The following FOXP4 variants were observed in gnomAD, a reference collection of about 807,000 sequenced individuals.
FOXP4 encodes forkhead box protein P4.
In FOXP4, 25 loss-of-function variants were observed where a neutral mutation model predicts 82.6. The ratio of observed to expected loss-of-function variants is 0.30; its 90% CI spans 0.22 to 0.42. The LOEUF is 0.42. Ranked by LOEUF, FOXP4 falls within the 10% of genes least tolerant of loss-of-function variation. The pLI, the probability that FOXP4 is intolerant of heterozygous loss-of-function variation, is 1.00. For missense variants in FOXP4, 785 were observed against 900.9 expected, an observed-to-expected ratio of 0.87 and a Z score of 1.65; for synonymous variants, 415 against 388.2, an observed-to-expected ratio of 1.07 and a Z score of -0.81.
At chr6:41,597,735 C>T in intron 15 of FOXP4, 46 bp from the exon 16 acceptor site, 1 of 1,584,434 alleles carries the variant, frequency 6.3e-7, no homozygotes, top group Non-Finnish European at 8.5e-7. Flanking sequence ...TGAGTGTGCC[C>T]CATCCTGTGG....
At chr6:41,548,866 T>A (rs1763833522) in intron 1 of FOXP4, among the ~76,000 whole-genome samples, 1 of 138,694 alleles carries the variant, frequency 7.2e-6, no homozygotes, top group Non-Finnish European at 1.5e-5. Context: ...AACTTTTGCC[T>A]CGGGGTTTTG....
chr6:41,599,249 C>T lies in FOXP4; in HGVS notation c.*313C>T, dbSNP rs562731702. 4.2e-5 allele frequency: 10 copies of T among 239,884 alleles called. No homozygotes were observed. The highest frequency in any genetic ancestry group is 2.0e-4 in the African/African-American group (9 of 44,330). The allele number at this position is 239,884 out of a possible 1,614,324, so 14.9% of individuals were successfully genotyped here. On this transcript the variant is annotated 3_prime_UTR_variant, in exon 17 of 17. Coordinates refer to ENST00000307972, the MANE Select transcript of FOXP4 (RefSeq NM_001012426.2). ...CAGCAGCAGCAGGGCCCTCCTCCCC[C>T]ACCAGCTCTCCCCACAGGGCCCCTC...
At chr6:41,548,215 G>A (rs1763776595) in intron 1 of FOXP4, among the ~76,000 whole-genome samples, 1 of 152,148 alleles carries the variant, frequency 6.6e-6, no homozygotes, top group Non-Finnish European at 1.5e-5. Context: ...GGAGATCACC[G>A]CGTGTCTGGC....
intron 1 of FOXP4, among the ~76,000 whole-genome samples, chr6:41,549,337 G>A (rs9369288): frequency 0.073 from 11,142 of 152,140 alleles, 819 homozygotes; most frequent in East Asian, 0.18. Flanking sequence ...CAGGGCCAGA[G>A]CATTTGCAAA....
In FOXP4 at chr6:41,554,144, A is replaced by T. The variant is rs536014289; in HGVS notation, c.-17+7277A>T. 5.3e-5 allele frequency among the ~76,000 whole-genome samples: 8 copies of T among 152,184 alleles called. No individual in the cohort carries two copies. In the South Asian group the frequency reaches 1.7e-3, roughly 32 times the overall value. On this transcript the variant is annotated intron_variant, in intron 1 of 16. Coordinates refer to ENST00000307972, the MANE Select transcript of FOXP4 (RefSeq NM_001012426.2). ...CCAGGCAGTGGTAATTATCACTCTC[A>T]TTTGATAGGTGAAGTACCCAGGCCC...
intron 5 of FOXP4, 82 bp from the exon 6 acceptor site, chr6:41,586,927 G>A: frequency 1.4e-6 from 2 of 1,477,176 alleles, no homozygotes; most frequent in Admixed American, 4.8e-5. Flanking sequence ...CCTGGGAGGG[G>A]GTGGCCGCGG....
chr6:41,585,526 C>T lies in FOXP4; in HGVS notation c.510+9C>T. 6.2e-7 allele frequency: 1 copy of T among 1,612,930 alleles called. No individual in the cohort carries two copies. Among genetic ancestry groups the T allele is most frequent in the East Asian group, 2.2e-5 (1 of 44,846 alleles). Reference sequence around the variant, plus strand: ...AACCGCAGCCCAAAGAGGTAAGGGGCTGTACCAGGGCCCACCACCGCCCTC... The same window carrying T: ...AACCGCAGCCCAAAGAGGTAAGGGGTTGTACCAGGGCCCACCACCGCCCTC... On this transcript the variant is annotated intron_variant, in intron 5 of 16. Transcript: ENST00000307972.
intron 1 of FOXP4, among the ~76,000 whole-genome samples, chr6:41,548,143 C>G (rs1255439784): frequency 6.6e-6 from 1 of 152,210 alleles, no homozygotes. Context: ...CCCCGGCTTC[C>G]CTGGCCAGCC....
In FOXP4 at chr6:41,593,613, C is replaced by T. The variant is rs1349135563; in HGVS notation, c.1537-1257C>T. Among the ~76,000 whole-genome samples the T allele has an allele frequency of 1.3e-5, 2 of 152,188 alleles. No individual in the cohort carries two copies. The highest frequency in any genetic ancestry group is 4.8e-5 in the African/African-American group (2 of 41,446). On this transcript the variant is annotated intron_variant, in intron 13 of 16. Coordinates refer to ENST00000307972, the MANE Select transcript of FOXP4 (RefSeq NM_001012426.2). This position sits in a 1 kb window ranked among gnomAD's most constrained non-coding sequence, Gnocchi z 4.1. ...CATTTGCAAAGCGGAGGATCGGAGC[C>T]CCGTAATGCGGGCAAATTTATTCCG...
At chr6:41,586,895 A>C in intron 5 of FOXP4, 114 bp from the exon 6 acceptor site, 2 of 1,435,496 alleles carry the variant, frequency 1.4e-6, no homozygotes, top group South Asian at 2.9e-5. Context: ...CGCCACAACG[A>C]CAGCTCCAGG....
chr6:41,590,187 G>T lies in FOXP4; in HGVS notation c.1357+17G>T, dbSNP rs760306722. On this transcript the variant is annotated intron_variant, in intron 11 of 16. Coordinates refer to ENST00000307972, the MANE Select transcript of FOXP4 (RefSeq NM_001012426.2). ...TCTCCTCAGGTGAGGGTGGGCTGGGGGCTGCAGGGCGACAGCAGCGTGAGG... is the reference window on the plus strand; with the variant it reads ...TCTCCTCAGGTGAGGGTGGGCTGGGTGCTGCAGGGCGACAGCAGCGTGAGG... The T allele has an allele frequency of 6.2e-7, 1 of 1,605,050 alleles. No individual in the cohort carries two copies.
At position 41,599,098 on chromosome 6, in the gene FOXP4, C is replaced by T. The variant is rs1223483327; in HGVS notation, c.*162C>T. On this transcript the variant is annotated 3_prime_UTR_variant, in exon 17 of 17. Coordinates refer to ENST00000307972, the MANE Select transcript of FOXP4 (RefSeq NM_001012426.2). ...CTCCCAGTGTGACCTGACAAAAACA[C>T]GTAGGGGCAGGGACGGTCCCCACCC... 2.3e-5 allele frequency: 22 copies of T among 977,172 alleles called. No individual in the cohort carries two copies. Among genetic ancestry groups the T allele is most frequent in the South Asian group, 7.3e-5 (4 of 54,628 alleles). 60.5% of individuals were successfully genotyped at this position (977,172 alleles called of 1,614,324 possible).
chr6:41,587,748 G>T (rs891653737), intron 7 of FOXP4, 45 bp from the exon 8 acceptor site: 23 of 1,320,632 alleles, frequency 1.7e-5, no homozygotes, highest in Non-Finnish European at 2.3e-5. Flanking sequence ...GGGCCGCTGG[G>T]GTCTTCAGGG....
chr6:41,563,994 G>C (rs1042309709), intron 1 of FOXP4, among the ~76,000 whole-genome samples: 3 of 152,212 alleles, frequency 2.0e-5, no homozygotes, highest in African/African-American at 7.2e-5. Flanking sequence ...TCCTACCACA[G>C]ACAAGGAATC....
Position 41,565,970 on chromosome 6 carries a change from A to G in FOXP4, c.204+6A>G, listed in dbSNP as rs761075950. 1 of 1,611,530 alleles carries G rather than the reference A, an allele frequency of 6.2e-7. No individual in the cohort carries two copies. The highest frequency in any genetic ancestry group is 1.7e-5 in the Admixed American group (1 of 59,974). ...TGCACTTCCAGCAGCAACAGGTAGG[A>G]ACTGGTGCGCCTTGGGGTATCTGGG... On this transcript the variant is annotated splice_donor_region_variant and intron_variant, in intron 2 of 16. Transcript: ENST00000307972.
chr6:41,598,303 G>A (rs1158348624), intron 16 of FOXP4, among the ~76,000 whole-genome samples: 6 of 147,164 alleles, frequency 4.1e-5, no homozygotes, highest in Admixed American at 2.1e-4. Flanking sequence ...TGCAACCTCT[G>A]CCTCCTGGGT....
intron 1 of FOXP4, among the ~76,000 whole-genome samples, chr6:41,556,076 G>A (rs1764258105): frequency 6.6e-6 from 1 of 152,096 alleles, no homozygotes. Context: ...GAGGGTGGTG[G>A]TAGGGGTAAG....
At chr6:41,587,541 C>G (rs770352084) in intron 7 of FOXP4, 29 bp downstream of exon 7, 1 of 1,505,718 alleles carries the variant, frequency 6.6e-7, no homozygotes, top group East Asian at 2.3e-5. Context: ...GGAGGGGCAT[C>G]AAAGGCCTGC....
intron 7 of FOXP4, 62 bp downstream of exon 7, chr6:41,587,574 A>C (rs2127393105): frequency 7.5e-7 from 1 of 1,326,278 alleles, no homozygotes; most frequent in Non-Finnish European, 1.0e-6. Flanking sequence ...CTGGCCCCCC[A>C]CCCATGAGGG....
Sources: allele counts gnomAD v4.1 joint callset (sites outside exome capture counted in the v4.1 genomes callset), GRCh38; gene constraint gnomAD v4.1.1; non-coding constraint Gnocchi (gnomAD v3.1); transcripts MANE v1.5; gene names NCBI Gene and HGNC (gene_info 2026-07-23, HGNC 2026-07-21).